The following HPSE2 variants were observed in gnomAD, a reference collection of about 807,000 sequenced individuals.
The protein encoded by HPSE2 is inactive heparanase-2.
A neutral mutation model predicts 60.5 loss-of-function variants in HPSE2; 38 were observed. That is an observed-to-expected ratio of 0.63 (90% confidence interval 0.48 to 0.82). The LOEUF is 0.82. Ranked by LOEUF, HPSE2 falls within the 40% of genes least tolerant of loss-of-function variation. HPSE2 has a pLI of 0.00. For synonymous variants in HPSE2, 295 were observed against 293.2 expected (o/e 1.01, Z -0.06); for missense variants, 713 against 740.4 (o/e 0.96, Z 0.43).
At chr10:98,897,114 T>C (rs548380246) in intron 3 of HPSE2, among the ~76,000 whole-genome samples, 1 of 152,218 alleles carries the variant, frequency 6.6e-6, no homozygotes, top group South Asian at 2.1e-4. Flanking sequence ...TGTTCTCACT[T>C]ATAAGTGGGA....
intron 3 of HPSE2, among the ~76,000 whole-genome samples, chr10:99,119,574 G>A (rs189413635): frequency 6.6e-6 from 1 of 152,228 alleles, no homozygotes; most frequent in East Asian, 1.9e-4. Flanking sequence ...ATTCTTCACA[G>A]AACTAGAAAA....
intron 3 of HPSE2, among the ~76,000 whole-genome samples, chr10:99,080,192 G>A (rs376326056): frequency 2.0e-5 from 3 of 152,062 alleles, no homozygotes; most frequent in East Asian, 3.9e-4. Context: ...CTTCATCCTT[G>A]CTCAATAATG....
chr10:98,568,880 A>T (rs911340171), intron 9 of HPSE2, among the ~76,000 whole-genome samples: 4 of 148,102 alleles, frequency 2.7e-5, no homozygotes, highest in African/African-American at 9.9e-5. Flanking sequence ...TTAAATTAAA[A>T]ATAGGTAAGA....
At chr10:99,034,464 C>T (rs1215927169) in intron 3 of HPSE2, among the ~76,000 whole-genome samples, 1 of 152,148 alleles carries the variant, frequency 6.6e-6, no homozygotes, top group African/African-American at 2.4e-5. Flanking sequence ...TAGAACTGTA[C>T]ACCACCAAGA....
intron 3 of HPSE2, among the ~76,000 whole-genome samples, chr10:98,934,141 A>G (rs2135120590): frequency 7.0e-6 from 1 of 143,552 alleles, no homozygotes; most frequent in East Asian, 2.0e-4. Context: ...ATTTTCCTCC[A>G]TCCCTTTCTT....
intron 11 of HPSE2, among the ~76,000 whole-genome samples, chr10:98,481,850 C>T (rs941268650): frequency 3.9e-5 from 6 of 152,124 alleles, no homozygotes; most frequent in Admixed American, 3.3e-4. Flanking sequence ...CATCCCATAC[C>T]CTTCCTGAGA....
chr10:98,682,850 A>G (rs1947820673), intron 6 of HPSE2, among the ~76,000 whole-genome samples: 1 of 152,158 alleles, frequency 6.6e-6, no homozygotes, highest in Admixed American at 6.5e-5. Flanking sequence ...CCACTTCCCT[A>G]TGTAGTTAAC....
At chr10:99,140,418 C>G (rs1164803228) in intron 3 of HPSE2, among the ~76,000 whole-genome samples, 3 of 152,312 alleles carry the variant, frequency 2.0e-5, no homozygotes, top group Admixed American at 6.5e-5. Flanking sequence ...TGGATACAGA[C>G]AGTTGACTAG....
intron 3 of HPSE2, among the ~76,000 whole-genome samples, chr10:99,010,359 A>T (rs1298277682): frequency 6.6e-6 from 1 of 152,226 alleles, no homozygotes; most frequent in African/African-American, 2.4e-5. Context: ...AGAAGCAATA[A>T]TAATGTTAAT....
intron 3 of HPSE2, among the ~76,000 whole-genome samples, chr10:98,973,110 T>C (rs1468861751): frequency 6.6e-6 from 1 of 152,174 alleles, no homozygotes; most frequent in Non-Finnish European, 1.5e-5. Flanking sequence ...TACTATACAA[T>C]ATAATTTTGA....
intron 3 of HPSE2, among the ~76,000 whole-genome samples, chr10:99,132,195 G>GAAAGAAAGAAAGAAAGAAAGAAAGAC (rs1564832790): frequency 7.1e-5 from 1 of 14,112 alleles, no homozygotes; most frequent in African/African-American, 1.5e-4. Context: ...GAAAGAAAGA[G>GAAAGAAAGAAAGAAAGAAAGAAAGAC]AGAGAGAGAG....
chr10:99,185,916 G>A (rs1303557821), intron 2 of HPSE2, among the ~76,000 whole-genome samples: 1 of 151,890 alleles, frequency 6.6e-6, no homozygotes, highest in Non-Finnish European at 1.5e-5. Flanking sequence ...GGAAAAAAGA[G>A]TGAAAAAAAC....
chr10:99,069,104 C>T (rs1842704821), intron 3 of HPSE2, among the ~76,000 whole-genome samples: 1 of 152,180 alleles, frequency 6.6e-6, no homozygotes, highest in African/African-American at 2.4e-5. Context: ...TACTTCCCAA[C>T]TCATTCTATA....
chr10:98,546,430 A>G (rs989091985), intron 9 of HPSE2, among the ~76,000 whole-genome samples: 4 of 148,812 alleles, frequency 2.7e-5, no homozygotes, highest in Admixed American at 6.7e-5. Flanking sequence ...TAACCAAAAC[A>G]GCATGGTACT....
At chr10:98,625,654 T>C (rs1034990608) in intron 7 of HPSE2, among the ~76,000 whole-genome samples, 9 of 152,216 alleles carry the variant, frequency 5.9e-5, no homozygotes, top group African/African-American at 1.9e-4. Context: ...GAACGTATAA[T>C]ATAACCAATG....
At chr10:99,282,740 C>A in the HPSE2 span, among the ~76,000 whole-genome samples, 4 of 152,050 alleles carry the variant, frequency 2.6e-5, no homozygotes, top group African/African-American at 7.2e-5. Flanking sequence ...AATTAAATAG[C>A]ACATGCTTAA....
intron 3 of HPSE2, among the ~76,000 whole-genome samples, chr10:98,976,129 T>C (rs1374651679): frequency 2.0e-5 from 3 of 152,176 alleles, no homozygotes; most frequent in African/African-American, 7.2e-5. Flanking sequence ...TGAGATAGAC[T>C]TTTGGTATAT....
rs928521390 is a variant in HPSE2, at chr10:98,542,112, T to C, written c.1321-51916A>G. Among the ~76,000 whole-genome samples, 16 of 152,002 alleles carry C rather than the reference T, an allele frequency of 1.1e-4. 1 individual carries two copies. The highest frequency in any genetic ancestry group is 1.6e-4 in the Non-Finnish European group (11 of 68,008). ...CAGACTGACACCTCAAACGGCCAGG[T>C]ACTCCTCTGAGACAAAACTTCCAGA... On this transcript the variant is annotated intron_variant, in intron 9 of 11. Coordinates refer to ENST00000370552, the MANE Select transcript of HPSE2 (RefSeq NM_021828.5).
intron 3 of HPSE2, among the ~76,000 whole-genome samples, chr10:98,876,842 CCT>C (rs1269656859): frequency 6.6e-6 from 1 of 151,786 alleles, no homozygotes; most frequent in East Asian, 1.9e-4. Flanking sequence ...AGACATACTA[CCT>C]CTCTCTACTT....
Sources: allele counts gnomAD v4.1 joint callset (sites outside exome capture counted in the v4.1 genomes callset), GRCh38; gene constraint gnomAD v4.1.1; transcripts MANE v1.5; gene names NCBI Gene and HGNC (gene_info 2026-07-23, HGNC 2026-07-21).